RNF41: variants seen among roughly 807,000 people sequenced by gnomAD.
The protein encoded by RNF41 is ring finger protein 41, also known as E3 ubiquitin-protein ligase NRDP1.
A neutral mutation model predicts 33.0 loss-of-function variants in RNF41; 4 were observed. That is an observed-to-expected ratio of 0.12 (90% CI 0.06 to 0.28). The LOEUF is 0.28. Among genes scored for constraint, RNF41 ranks in the 10% least tolerant of loss-of-function variants. RNF41 has a pLI of 1.00. For synonymous variants in RNF41, 164 were observed against 153.2 expected, an observed-to-expected ratio of 1.07 and a Z score of -0.52; for missense variants, 228 against 432.6, an observed-to-expected ratio of 0.53 and a Z score of 4.19.
chr12:56,208,039 T>G (rs1397562115), intron 5 of RNF41, 124 bp downstream of exon 5: 1 of 1,175,008 alleles, frequency 8.5e-7, no homozygotes, highest in East Asian at 2.3e-5. Flanking sequence ...AGGCAGAATA[T>G]CCACTCATCT....
chr12:56,206,709 C>T lies in RNF41; in HGVS notation c.692G>A (p.Arg231His), dbSNP rs997146737. The change falls in exon 7 of 7, where the codon CGC becomes CAC. Residue 231 changes from arginine to histidine, a missense_variant. Arg to His is a conservative substitution (Grantham distance 29, BLOSUM62 0). Around this residue, in one of 2 missense-constraint regions of RNF41, gnomAD observed 199 missense variants for 334.6 expected, o/e 0.59. Transcript: ENST00000345093. This position sits in a 1 kb window ranked among gnomAD's most constrained non-coding sequence, Gnocchi z 5.7. ...AGGACAGCCACTCTCCACCAGGGAG[C>T]GCTTGATTACAGCCTGGAGCACAGC... The part of the protein sequence containing the change: ...PDAVLQAVIK[R>H]SLVESGCPAS... 4 of 1,614,144 alleles carry T rather than the reference C, an allele frequency of 2.5e-6. No homozygotes were observed. Among genetic ancestry groups the T allele is most frequent in the Non-Finnish European group, 2.5e-6 (3 of 1,180,010 alleles).
chr12:56,210,353 G>A lies in RNF41; in HGVS notation c.306C>T (p.His102=). Residue 102 remains histidine, a synonymous_variant, in exon 4 of 7, where the codon CAC becomes CAT. Transcript: ENST00000345093. ...AVVRLDNLMS[H]LSDCEHNPKR... Reference sequence around the variant, plus strand: ...TCGGGTTGTGCTCACAGTCGCTGAGGTGAGACATGAGGTTGTCAAGCCGGA... The same window carrying A: ...TCGGGTTGTGCTCACAGTCGCTGAGATGAGACATGAGGTTGTCAAGCCGGA... 2 of 1,614,200 alleles carry A rather than the reference G, an allele frequency of 1.2e-6. No homozygotes were observed. Among genetic ancestry groups the A allele is most frequent in the Non-Finnish European group, 1.7e-6 (2 of 1,180,034 alleles).
At chr12:56,213,752 T>C (rs984786090) in intron 3 of RNF41, among the ~76,000 whole-genome samples, 1 of 152,156 alleles carries the variant, frequency 6.6e-6, no homozygotes, top group East Asian at 1.9e-4. Flanking sequence ...TCTGAACCAC[T>C]GGATCTCTGT....
At chr12:56,215,872 A>G (rs1334138327) in intron 2 of RNF41, among the ~76,000 whole-genome samples, 1 of 152,112 alleles carries the variant, frequency 6.6e-6, no homozygotes, top group Non-Finnish European at 1.5e-5. Flanking sequence ...CTGTAATCCT[A>G]GCACTTTGGG....
At chr12:56,218,155 T>C (rs948227289) in intron 1 of RNF41, among the ~76,000 whole-genome samples, 3 of 151,822 alleles carry the variant, frequency 2.0e-5, no homozygotes, top group African/African-American at 7.3e-5. Context: ...GGTTTCACCA[T>C]GTTGGCCAGG....
chr12:56,217,010 G>A (rs1387393770), intron 1 of RNF41, among the ~76,000 whole-genome samples: 1 of 151,968 alleles, frequency 6.6e-6, no homozygotes, highest in Non-Finnish European at 1.5e-5. Flanking sequence ...CGAGGTGGCA[G>A]GCGCCTGTAG....
At chr12:56,221,312 G>C (rs911547972) in intron 1 of RNF41, among the ~76,000 whole-genome samples, 1 of 152,150 alleles carries the variant, frequency 6.6e-6, no homozygotes, top group Admixed American at 6.6e-5. Context: ...GGAATGAGAG[G>C]ACAAGGCTGC....
intron 4 of RNF41, chr12:56,209,950 A>T (rs1306419554): frequency 1.4e-5 from 4 of 282,772 alleles, no homozygotes; most frequent in Non-Finnish European, 2.7e-5. Flanking sequence ...GAAATAAAAA[A>T]ATAGGGCAAG....
At chr12:56,219,466 A>G (rs2135817800) in intron 1 of RNF41, among the ~76,000 whole-genome samples, 1 of 151,448 alleles carries the variant, frequency 6.6e-6, no homozygotes, top group African/African-American at 2.4e-5. Context: ...AAGTGCTGGG[A>G]TTACAGGCGT....
chr12:56,219,802 T>C (rs1431246030), intron 1 of RNF41, among the ~76,000 whole-genome samples: 2 of 149,770 alleles, frequency 1.3e-5, no homozygotes, highest in East Asian at 4.1e-4. Flanking sequence ...ATCACCTGAG[T>C]CCAAGAGTTT....
rs758444976 is a variant in RNF41 at position 56,207,715 on chromosome 12, C to T, written c.533G>A (p.Arg178His). ...GTTGGGGTTGACACTGCGGATTGCA[C>T]GCATGTATGCCTTTAGCAGCTGGAT... ...RDIQLLKAYM[R>H]AIRSVNPNLQ... is the part of the protein sequence containing the mutation. Residue 178 changes from arginine to histidine, a missense_variant, in exon 6 of 7, where the codon CGT becomes CAT. By Grantham distance (29) the Arg-to-His change is conservative. This residue lies in a region of RNF41 where 199 missense variants were observed against 334.6 expected (regional missense o/e 0.59). Coordinates refer to ENST00000345093, the MANE Select transcript of RNF41 (RefSeq NM_005785.4). The T allele has an allele frequency of 5.6e-6, 9 of 1,613,994 alleles. No homozygotes were observed. Among genetic ancestry groups the T allele is most frequent in the South Asian group, 3.3e-5 (3 of 91,086 alleles).
At chr12:56,213,044 G>C (rs1868597777) in intron 3 of RNF41, 10 of 1,289,714 alleles carry the variant, frequency 7.8e-6, no homozygotes, top group Non-Finnish European at 1.0e-5. Context: ...TGATACAACT[G>C]ACTCTGGTCT....
intron 3 of RNF41, chr12:56,213,122 C>G (rs1386934356): frequency 3.1e-6 from 4 of 1,289,146 alleles, no homozygotes; most frequent in African/African-American, 1.5e-5. Context: ...GAGTGCATGG[C>G]TGTATCAAAA....
intron 4 of RNF41, among the ~76,000 whole-genome samples, chr12:56,209,294 T>C (rs1868345112): frequency 6.6e-6 from 1 of 151,918 alleles, no homozygotes; most frequent in Non-Finnish European, 1.5e-5. Flanking sequence ...ACATTCTTTT[T>C]ATTTTTTAGT....
At chr12:56,219,594 G>A (rs564437317) in intron 1 of RNF41, among the ~76,000 whole-genome samples, 1 of 151,744 alleles carries the variant, frequency 6.6e-6, no homozygotes, top group African/African-American at 2.4e-5. Flanking sequence ...CCAAAGTGCT[G>A]GGATTACAGG....
chr12:56,221,380 G>C (rs113292499), intron 1 of RNF41, among the ~76,000 whole-genome samples: 5 of 152,194 alleles, frequency 3.3e-5, no homozygotes, highest in African/African-American at 9.6e-5. Context: ...GGGGGTTTAG[G>C]TTCCACCGCC....
Position 56,206,391 on chromosome 12 carries a change from C to T in RNF41, c.*56G>A, listed in dbSNP as rs1342320997. 6.9e-7 allele frequency: 1 copy of T among 1,446,328 alleles called. No individual in the cohort carries two copies. Among genetic ancestry groups the T allele is most frequent in the East Asian group, 2.3e-5 (1 of 43,988 alleles). 89.6% of individuals were successfully genotyped at this position (1,446,328 alleles called of 1,614,324 possible). ...GTGGGTAGGACTCAGGTCCCAGCTG[C>T]TGGAGTGATGGGATTTTCTGATTTC... On this transcript the variant is annotated 3_prime_UTR_variant, in exon 7 of 7. Transcript: ENST00000345093. This position sits in a 1 kb window ranked among gnomAD's most constrained non-coding sequence, Gnocchi z 5.7.
intron 4 of RNF41, among the ~76,000 whole-genome samples, chr12:56,209,697 T>C (rs61939013): frequency 0.027 from 4,181 of 152,256 alleles, 88 homozygotes; most frequent in Non-Finnish European, 0.042. Flanking sequence ...GACCTCGTGA[T>C]CCACCCGCCT....
rs970541998 is a variant in RNF41, at chr12:56,206,927, T to C, written c.603-129A>G. The C allele has an allele frequency of 1.6e-5, 15 of 938,798 alleles. No homozygotes were observed. The highest frequency in any genetic ancestry group is 2.2e-5 in the Non-Finnish European group (14 of 644,650). 58.2% of individuals were successfully genotyped at this position (938,798 alleles called of 1,614,324 possible). A position where few individuals can be genotyped will look rare whatever the true frequency, so the allele number is the denominator to read the frequency against. On this transcript the variant is annotated intron_variant, in intron 6 of 6. Coordinates refer to ENST00000345093, the MANE Select transcript of RNF41 (RefSeq NM_005785.4). This position sits in a 1 kb window ranked among gnomAD's most constrained non-coding sequence, Gnocchi z 5.7. ...TATTCTTCCTTCTTTCCTTCCATCA[T>C]TGGCTCAGAAACCCCAAATCTTTCC...
Sources: gnomAD v4.1 joint callset for allele counts (sites outside exome capture counted in the v4.1 genomes callset) on GRCh38, gnomAD v4.1.1 for gene constraint, gnomAD v4.1.1 regional missense constraint, Gnocchi (gnomAD v3.1) non-coding constraint, MANE v1.5 for transcripts, NCBI Gene and HGNC (gene_info 2026-07-23, HGNC 2026-07-21) for gene names.